The following TCF4 variants were observed in gnomAD, a reference collection of about 807,000 sequenced individuals.
TCF4 encodes transcription factor 4.
TCF4 carries 3 observed loss-of-function variants against 82.1 expected under a neutral mutation model. That is an observed-to-expected ratio of 0.04 (90% CI 0.02 to 0.09). TCF4 has a LOEUF of 0.09. TCF4 is among the 10% of genes least tolerant of loss of function. The probability of loss-of-function intolerance (pLI) is 1.00; values close to 1 mark genes in which losing one functional copy is unlikely to be tolerated. For synonymous variants in TCF4, 276 were observed against 309.6 expected (o/e 0.89, Z 1.14); for missense variants, 518 against 852.7 (o/e 0.61, Z 4.89).
chr18:55,600,672 C>A (rs747526777), intron 2 of TCF4, among the ~76,000 whole-genome samples: 1 of 152,192 alleles, frequency 6.6e-6, no homozygotes, highest in South Asian at 2.1e-4. Context: ...CTTTGCCACC[C>A]AGATAGGTTC....
intron 11 of TCF4, chr18:55,264,969 T>TC (rs973877773): frequency 6.6e-6 from 1 of 152,036 alleles, no homozygotes; most frequent in African/African-American, 2.4e-5. Flanking sequence ...TGAACACAGG[T>TC]GGTGTTGCTG....
chr18:55,307,764 T>C (rs1275467246), intron 8 of TCF4, among the ~76,000 whole-genome samples: 1 of 152,220 alleles, frequency 6.6e-6, no homozygotes, highest in Admixed American at 6.5e-5. Context: ...AACAAAATGA[T>C]GGCTTACATA....
At chr18:55,328,601 C>A (rs552160261) in intron 8 of TCF4, among the ~76,000 whole-genome samples, 175 of 152,152 alleles carry the variant, frequency 1.2e-3, no homozygotes, top group African/African-American at 4.1e-3. Flanking sequence ...AAATGAAATT[C>A]GAGGACAATT....
intron 10 of TCF4, among the ~76,000 whole-genome samples, chr18:55,273,078 C>T (rs896273364): frequency 6.6e-5 from 10 of 152,078 alleles, no homozygotes; most frequent in Non-Finnish European, 1.5e-4. Flanking sequence ...ACTTTAACCG[C>T]AAACTCCATT....
intron 6 of TCF4, among the ~76,000 whole-genome samples, chr18:55,358,657 G>T (rs980197566): frequency 1.3e-5 from 2 of 152,206 alleles, no homozygotes; most frequent in South Asian, 4.1e-4. Flanking sequence ...ACACTCACCC[G>T]CTATCTTCTG....
At chr18:55,253,346 C>T (rs1037044265) in intron 15 of TCF4, among the ~76,000 whole-genome samples, 1 of 152,074 alleles carries the variant, frequency 6.6e-6, no homozygotes, top group Non-Finnish European at 1.5e-5. Context: ...GGAAAATATA[C>T]CTTCATCCAA....
intron 3 of TCF4, among the ~76,000 whole-genome samples, chr18:55,571,175 G>C (rs1487204370): frequency 1.3e-5 from 2 of 151,966 alleles, no homozygotes; most frequent in Admixed American, 6.6e-5. Context: ...GAACACAAAG[G>C]TTCATCAACT....
intron 6 of TCF4, among the ~76,000 whole-genome samples, chr18:55,400,388 G>C (rs1217695911): frequency 6.6e-6 from 1 of 152,118 alleles, no homozygotes; most frequent in African/African-American, 2.4e-5. Context: ...ATTTAAATTA[G>C]TTTTGTCATA....
At chr18:55,556,618 G>A (rs181942262) in intron 3 of TCF4, among the ~76,000 whole-genome samples, 151 of 152,308 alleles carry the variant, frequency 9.9e-4, no homozygotes, top group African/African-American at 3.5e-3. Context: ...GCCTCCCAAA[G>A]TACTGGAATT....
intron 5 of TCF4, among the ~76,000 whole-genome samples, chr18:55,448,881 T>C (rs761022007): frequency 1.2e-4 from 18 of 152,192 alleles, no homozygotes; most frequent in Non-Finnish European, 1.8e-4. Flanking sequence ...ATGAAACTCA[T>C]GAGGGTAAGG....
chr18:55,350,503 C>T lies in TCF4; in HGVS notation c.500-95G>A, dbSNP rs1435737254. The T allele has an allele frequency of 2.3e-6, 3 of 1,279,792 alleles. No individual in the cohort carries two copies. In the Admixed American group the frequency reaches 5.2e-5, roughly 22 times the overall value. 79.3% of individuals were successfully genotyped at this position (1,279,792 alleles called of 1,614,324 possible). On this transcript the variant is annotated intron_variant, in intron 7 of 19. Transcript: ENST00000354452. Reference sequence around the variant, plus strand: ...AAGACTTCTAGATGATACCACATTTCCTTAAATCATTACCTTAGCAAACTG... The same window carrying T: ...AAGACTTCTAGATGATACCACATTTTCTTAAATCATTACCTTAGCAAACTG...
chr18:55,419,149 A>G (rs142419040), intron 5 of TCF4, among the ~76,000 whole-genome samples: 343 of 152,334 alleles, frequency 2.3e-3, no homozygotes, highest in Non-Finnish European at 3.5e-3. Context: ...ATTGGCCTAC[A>G]CTGAGTTTTA....
intron 8 of TCF4, chr18:55,322,003 T>C (rs1385259651): frequency 2.0e-5 from 25 of 1,220,470 alleles, no homozygotes; most frequent in African/African-American, 3.1e-5. Context: ...GCGAGATCGA[T>C]TCAACTTTTC....
intron 3 of TCF4, among the ~76,000 whole-genome samples, chr18:55,517,482 A>G (rs542390452): frequency 6.6e-6 from 1 of 152,270 alleles, no homozygotes; most frequent in Middle Eastern, 3.4e-3. Flanking sequence ...CAGGTAAACT[A>G]CATACAGATT....
At chr18:55,267,102 T>G (rs2145883754) in intron 11 of TCF4, 1 of 152,288 alleles carries the variant, frequency 6.6e-6, no homozygotes, top group East Asian at 1.9e-4. Flanking sequence ...GTGAAAAATG[T>G]GATGTCCATG....
At chr18:55,445,073 C>G (rs2095502652) in intron 5 of TCF4, among the ~76,000 whole-genome samples, 1 of 152,208 alleles carries the variant, frequency 6.6e-6, no homozygotes, top group Admixed American at 6.5e-5. Context: ...TGAGTAATCT[C>G]CTTGCCCTCA....
intron 8 of TCF4, chr18:55,302,638 T>C: frequency 6.7e-7 from 1 of 1,495,002 alleles, no homozygotes; most frequent in South Asian, 1.3e-5. Context: ...GACCCGCAGA[T>C]GTCCGCTGTG....
chr18:55,367,059 T>C (rs2087375776), intron 6 of TCF4, among the ~76,000 whole-genome samples: 1 of 152,228 alleles, frequency 6.6e-6, no homozygotes, highest in Non-Finnish European at 1.5e-5. Context: ...ACTCACATGG[T>C]AGAGATGAAA....
At chr18:55,473,902 G>A (rs973541956) in intron 3 of TCF4, among the ~76,000 whole-genome samples, 1 of 152,104 alleles carries the variant, frequency 6.6e-6, no homozygotes, top group Admixed American at 6.5e-5. Context: ...AGGAGGCTCA[G>A]AGCTTTAATA....
Sources: gnomAD v4.1 joint callset for allele counts (sites outside exome capture counted in the v4.1 genomes callset) on GRCh38, gnomAD v4.1.1 for gene constraint, MANE v1.5 for transcripts, NCBI Gene and HGNC (gene_info 2026-07-23, HGNC 2026-07-21) for gene names.